Variants in MYOZ3 observed in about 807,000 individuals in gnomAD.
MYOZ3 encodes the protein myozenin 3.
In MYOZ3, 19 loss-of-function variants were observed where a neutral mutation model predicts 26.5. That is an observed-to-expected ratio of 0.72 (90% confidence interval 0.50 to 1.05). MYOZ3 has a LOEUF of 1.05. MYOZ3 is among the 50% of genes least tolerant of loss of function. The pLI is 0.00. For missense variants in MYOZ3, 322 were observed against 337.1 expected (o/e 0.96, Z 0.35); for synonymous variants, 135 against 138.8 (o/e 0.97, Z 0.19).
intron 6 of MYOZ3, among the ~76,000 whole-genome samples, chr5:150,675,993 G>A (rs776713162): frequency 6.6e-6 from 1 of 152,154 alleles, no homozygotes; most frequent in Non-Finnish European, 1.5e-5. Flanking sequence ...TTATTTCATC[G>A]TGCCAGTGTC....
At position 150,676,693 on chromosome 5, in the gene MYOZ3, C is replaced by T; in HGVS notation, c.588-14C>T. On this transcript the variant is annotated splice_polypyrimidine_tract_variant and intron_variant, in intron 6 of 6. Transcript: ENST00000517768. ...TCCACACAGCCCACCTCTCCTGCTG[C>T]TCTCTTTCTCCAGGACCCCGGTGCC... 6.2e-7 allele frequency: 1 copy of T among 1,611,776 alleles called. No homozygotes were observed. The highest frequency in any genetic ancestry group is 2.2e-5 in the East Asian group (1 of 44,860).
intron 6 of MYOZ3, among the ~76,000 whole-genome samples, chr5:150,675,524 C>T (rs111512972): frequency 0.088 from 13,363 of 152,092 alleles, 1,826 homozygotes; most frequent in African/African-American, 0.29. Flanking sequence ...AGTCACCCAC[C>T]ACCATGCCCA....
intron 2 of MYOZ3, among the ~76,000 whole-genome samples, chr5:150,668,293 G>C (rs181150411): frequency 6.6e-6 from 1 of 152,198 alleles, no homozygotes; most frequent in Admixed American, 6.5e-5. Flanking sequence ...AATTACCAAT[G>C]ACCTTGTATT....
At chr5:150,665,139 T>G (rs10038115) in intron 2 of MYOZ3, among the ~76,000 whole-genome samples, 3 of 151,962 alleles carry the variant, frequency 2.0e-5, no homozygotes, top group African/African-American at 7.3e-5. Context: ...CATCCCCTGA[T>G]GAGGGTTGTC....
chr5:150,662,827 T>G (rs1042909615), intron 1 of MYOZ3, 114 bp from the exon 2 acceptor site: 1 of 867,880 alleles, frequency 1.2e-6, no homozygotes, highest in Non-Finnish European at 1.9e-6. Flanking sequence ...TGCTTGTGAT[T>G]TGGGGCTGGC....
rs543836386 is a variant in MYOZ3, at chr5:150,665,810, C to T, written c.61+2808C>T. 6.6e-5 allele frequency among the ~76,000 whole-genome samples: 10 copies of T among 151,650 alleles called. No individual in the cohort carries two copies. In the South Asian group the frequency reaches 1.3e-3, roughly 19 times the overall value. On this transcript the variant is annotated intron_variant, in intron 2 of 6. Transcript: ENST00000517768. ...CAGCACTTTGGGAGACTGAGGCAAG[C>T]GGATGACCTGAGGTTGGGAGCTCGA...
chr5:150,662,937 A>G lies in MYOZ3; in HGVS notation c.-1-4A>G, dbSNP rs1279873389. On this transcript the variant is annotated splice_region_variant and splice_polypyrimidine_tract_variant and intron_variant, in intron 1 of 6. Coordinates refer to ENST00000517768, the MANE Select transcript of MYOZ3 (RefSeq NM_001122853.3). ...GTCCATTTATGGGGGTCTCTCCTCC[A>G]CAGGATGATCCCCAAGGAGCAGAAG... The G allele has an allele frequency of 6.2e-7, 1 of 1,610,772 alleles. No individual in the cohort carries two copies. The highest frequency in any genetic ancestry group is 1.1e-5 in the South Asian group (1 of 90,392).
At chr5:150,661,970 G>A (rs1299546685) in intron 1 of MYOZ3, among the ~76,000 whole-genome samples, 1 of 152,190 alleles carries the variant, frequency 6.6e-6, no homozygotes, top group Non-Finnish European at 1.5e-5. Flanking sequence ...GAACTGAGGT[G>A]CAGAGCTGGA....
At chr5:150,663,612 T>C (rs985493686) in intron 2 of MYOZ3, among the ~76,000 whole-genome samples, 1 of 152,242 alleles carries the variant, frequency 6.6e-6, no homozygotes, top group Non-Finnish European at 1.5e-5. Flanking sequence ...TTCATTTTTA[T>C]CAATTTTAGA....
chr5:150,666,033 TA>T lies in MYOZ3; in HGVS notation c.61+3050del, dbSNP rs61227926. Among the ~76,000 whole-genome samples, 938 of 115,800 alleles carry T rather than the reference TA, an allele frequency of 8.1e-3. 14 individuals carry two copies. The East Asian group carries it at 0.1, about 13-fold the overall frequency. 76.0% of individuals were successfully genotyped at this position (115,800 alleles called of 152,430 possible). On this transcript the variant is annotated intron_variant, in intron 2 of 6. Transcript: ENST00000517768. Reference sequence around the variant, plus strand: ...CTGGGCAACAAGAGTGAAACTCGTCTAAAAAAAAAAAAAAAAAAAGAACAAT... The same window carrying T: ...CTGGGCAACAAGAGTGAAACTCGTCTAAAAAAAAAAAAAAAAAAGAACAAT...
intron 1 of MYOZ3, among the ~76,000 whole-genome samples, chr5:150,661,801 G>A (rs1334340449): frequency 6.6e-6 from 1 of 152,180 alleles, no homozygotes; most frequent in African/African-American, 2.4e-5. Context: ...AATCCTAAAC[G>A]GTTGTGATCG....
chr5:150,668,303 T>C (rs1561669497), intron 2 of MYOZ3, among the ~76,000 whole-genome samples: 1 of 152,366 alleles, frequency 6.6e-6, no homozygotes, highest in East Asian at 1.9e-4. Flanking sequence ...GACCTTGTAT[T>C]GCTAAATATA....
At chr5:150,675,232 G>C (rs148122446) in intron 6 of MYOZ3, among the ~76,000 whole-genome samples, 26 of 152,192 alleles carry the variant, frequency 1.7e-4, no homozygotes, top group African/African-American at 6.3e-4. Context: ...GCGTTTGTGT[G>C]TGTGTGGGGG....
At chr5:150,668,062 T>C (rs946739361) in intron 2 of MYOZ3, among the ~76,000 whole-genome samples, 1 of 152,228 alleles carries the variant, frequency 6.6e-6, no homozygotes, top group African/African-American at 2.4e-5. Flanking sequence ...CTATGGCTCC[T>C]AAATCTCCTT....
At chr5:150,669,670 G>GA (rs1758871680) in intron 2 of MYOZ3, among the ~76,000 whole-genome samples, 1 of 73,058 alleles carries the variant, frequency 1.4e-5, no homozygotes, top group South Asian at 4.7e-4. Context: ...TTTTTTGATG[G>GA]AAAATCACTC....
In MYOZ3 at chr5:150,677,128, C is replaced by G. The variant is rs1305130724; in HGVS notation, c.*253C>G. The G allele has an allele frequency of 5.0e-6, 2 of 401,584 alleles. No individual in the cohort carries two copies. Among genetic ancestry groups the G allele is most frequent in the Admixed American group, 7.5e-5 (2 of 26,552 alleles). The allele number at this position is 401,584 out of a possible 1,614,324, so 24.9% of individuals were successfully genotyped here. On this transcript the variant is annotated 3_prime_UTR_variant, in exon 7 of 7. Coordinates refer to ENST00000517768, the MANE Select transcript of MYOZ3 (RefSeq NM_001122853.3). ...ATCAGAGTCTCCTGAGTCGAGGAAT[C>G]TGTATTATTAATAGCAACCAGGGCC...
chr5:150,670,541 AGCTGTCACTAC>A lies in MYOZ3; in HGVS notation c.122_132del (p.Leu41GlnfsTer54). On this transcript the variant is annotated frameshift_variant, in exon 3 of 7. Transcript: ENST00000517768. LOFTEE classifies it high-confidence loss of function. ...GTGCCCCAGGACCTGATGATGGAGG[AGCTGTCACTAC>A]GCAACAACAGAGGGTCCCTCCTCTT... is the stretch of plus-strand genomic sequence containing the variant. 1 of 1,613,260 alleles carries A rather than the reference AGCTGTCACTAC, an allele frequency of 6.2e-7. No homozygotes were observed. The highest frequency in any genetic ancestry group is 8.5e-7 in the Non-Finnish European group (1 of 1,179,676).
At chr5:150,672,025 C>T (rs1410106684) in intron 5 of MYOZ3, 117 bp downstream of exon 5, 3 of 1,339,000 alleles carry the variant, frequency 2.2e-6, no homozygotes, top group Non-Finnish European at 3.0e-6. Context: ...CCAACACACA[C>T]GCGCACGCGC....
chr5:150,662,264 C>A (rs890921935), intron 1 of MYOZ3, among the ~76,000 whole-genome samples: 7 of 152,132 alleles, frequency 4.6e-5, no homozygotes, highest in African/African-American at 1.7e-4. Flanking sequence ...ATTTGCAAAT[C>A]TCTTCCAAGA....
Sources: allele counts gnomAD v4.1 joint callset (sites outside exome capture counted in the v4.1 genomes callset), GRCh38; gene constraint gnomAD v4.1.1; transcripts MANE v1.5; gene names NCBI Gene and HGNC (gene_info 2026-07-23, HGNC 2026-07-21).